ZBTB46: variants seen among roughly 807,000 people sequenced by gnomAD.
The protein encoded by ZBTB46 is zinc finger and BTB domain-containing protein 46.
ZBTB46 carries 8 observed loss-of-function variants against 44.1 expected under a neutral mutation model. The observed-to-expected ratio is 0.18, with a 90% CI of 0.11 to 0.33. The LOEUF (loss-of-function observed/expected upper bound fraction) is 0.33. Ranked by LOEUF, ZBTB46 falls within the 10% of genes least tolerant of loss-of-function variation. The pLI is 1.00. For synonymous variants in ZBTB46, 409 were observed against 382.3 expected, an observed-to-expected ratio of 1.07 and a Z score of -0.81; for missense variants, 651 against 847.7, an observed-to-expected ratio of 0.77 and a Z score of 2.88.
chr20:63,752,990 C>T lies in ZBTB46; in HGVS notation c.1223-129G>A. On this transcript the variant is annotated intron_variant, in intron 3 of 4. Coordinates refer to ENST00000245663, the MANE Select transcript of ZBTB46 (RefSeq NM_001369741.1). The surrounding 1 kb of genome is among the most constrained non-coding windows in gnomAD (Gnocchi z 5.6). Reference sequence around the variant, plus strand: ...GTCTCCCACGGCCACCCACTGGGGGCTGGTCAGCACTGCGACAGGCCAGGC... The same window carrying T: ...GTCTCCCACGGCCACCCACTGGGGGTTGGTCAGCACTGCGACAGGCCAGGC... 2.1e-6 allele frequency: 2 copies of T among 957,432 alleles called. No individual in the cohort carries two copies. Among genetic ancestry groups the T allele is most frequent in the Non-Finnish European group, 3.0e-6 (2 of 666,194 alleles). The allele number at this position is 957,432 out of a possible 1,614,324, so 59.3% of individuals were successfully genotyped here.
intron 4 of ZBTB46, among the ~76,000 whole-genome samples, chr20:63,748,305 G>T (rs543516585): frequency 6.6e-5 from 10 of 152,342 alleles, no homozygotes; most frequent in Non-Finnish European, 1.2e-4. Flanking sequence ...GACGCGAGGT[G>T]CTGGGTTCCT....
At chr20:63,780,290 TAAAAG>T (rs1168505902) in intron 2 of ZBTB46, among the ~76,000 whole-genome samples, 1 of 149,606 alleles carries the variant, frequency 6.7e-6, no homozygotes, top group Non-Finnish European at 1.5e-5. Flanking sequence ...AAAAGACAGA[TAAAAG>T]AAATTCTCAT....
intron 1 of ZBTB46, among the ~76,000 whole-genome samples, chr20:63,822,866 A>C (rs1600726988): frequency 7.1e-6 from 1 of 140,484 alleles, no homozygotes; most frequent in East Asian, 2.4e-4. Flanking sequence ...ATGTTTTAAA[A>C]ATGGAAACAA....
At chr20:63,832,777 CCT>C (rs2092858689), upstream of ZBTB46, among the ~76,000 whole-genome samples, 1 of 152,166 alleles carries the variant, frequency 6.6e-6, no homozygotes, top group Non-Finnish European at 1.5e-5. This position sits in a 1 kb window ranked among gnomAD's most constrained non-coding sequence, Gnocchi z 5.0. Flanking sequence ...GTAGCCCCAG[CCT>C]CACCGACCTT....
At chr20:63,796,396 A>C (rs976343201) in intron 1 of ZBTB46, among the ~76,000 whole-genome samples, 6 of 152,200 alleles carry the variant, frequency 3.9e-5, no homozygotes, top group Non-Finnish European at 5.9e-5. Flanking sequence ...TCTAATTCCA[A>C]ACCACTCAGC....
chr20:63,816,625 A>G (rs751861), intron 1 of ZBTB46: 27,240 of 152,196 alleles, frequency 0.18, 2,959 homozygotes, highest in East Asian at 0.45. Context: ...AATACGTGTG[A>G]AAGATGCATC....
At chr20:63,793,478 T>C (rs1212858723) in intron 1 of ZBTB46, among the ~76,000 whole-genome samples, 1 of 152,190 alleles carries the variant, frequency 6.6e-6, no homozygotes, top group African/African-American at 2.4e-5. Context: ...AAGTGACACC[T>C]GGCTCCGGGC....
intron 4 of ZBTB46, among the ~76,000 whole-genome samples, chr20:63,747,875 C>T (rs1249953899): frequency 2.6e-5 from 4 of 152,216 alleles, no homozygotes; most frequent in Admixed American, 2.0e-4. Flanking sequence ...GTCACACCAC[C>T]GGCCTCTGCC....
intron 3 of ZBTB46, among the ~76,000 whole-genome samples, chr20:63,755,745 C>G (rs776472177): frequency 2.6e-5 from 4 of 152,154 alleles, no homozygotes; most frequent in Non-Finnish European, 4.4e-5. Context: ...GATTTACAGT[C>G]TATATATCTT....
chr20:63,756,069 G>T (rs114343870), intron 3 of ZBTB46, among the ~76,000 whole-genome samples: 1 of 152,204 alleles, frequency 6.6e-6, no homozygotes, highest in African/African-American at 2.4e-5. Flanking sequence ...CATTCGTGCC[G>T]GACTGGAGGC....
chr20:63,746,861 T>C lies in ZBTB46; in HGVS notation c.*69A>G, dbSNP rs2092094469. 7.0e-7 allele frequency: 1 copy of C among 1,432,132 alleles called. No homozygotes were observed. Among genetic ancestry groups the C allele is most frequent in the Non-Finnish European group, 9.1e-7 (1 of 1,095,672 alleles). The allele number at this position is 1,432,132 out of a possible 1,614,324, so 88.7% of individuals were successfully genotyped here. A position where few individuals can be genotyped will look rare whatever the true frequency, so the allele number is the denominator to read the frequency against. ...GGTGAGCGTGGCCCTGGCCCCGCAG[T>C]GGAGACCCACCGGACACACACACGG... is the stretch of plus-strand genomic sequence containing the variant. On this transcript the variant is annotated 3_prime_UTR_variant, in exon 5 of 5. Transcript: ENST00000245663.
intron 2 of ZBTB46, among the ~76,000 whole-genome samples, chr20:63,781,444 A>G (rs557496088): frequency 6.6e-6 from 1 of 152,322 alleles, no homozygotes; most frequent in Non-Finnish European, 1.5e-5. Flanking sequence ...CAGACACTTT[A>G]CCAAAAAAGA....
intron 3 of ZBTB46, among the ~76,000 whole-genome samples, chr20:63,754,144 G>A (rs1020829368): frequency 4.6e-5 from 7 of 152,212 alleles, no homozygotes; most frequent in African/African-American, 1.7e-4. Context: ...CGCCTGGCAC[G>A]GCAGCACCTC....
At chr20:63,820,117 G>A (rs1027693574) in intron 1 of ZBTB46, among the ~76,000 whole-genome samples, 7 of 150,620 alleles carry the variant, frequency 4.6e-5, no homozygotes, top group South Asian at 2.1e-4. Flanking sequence ...TGTTTGAGAC[G>A]AAGTCTCGCT....
intron 3 of ZBTB46, among the ~76,000 whole-genome samples, chr20:63,768,516 A>G (rs1017109860): frequency 5.3e-5 from 8 of 152,154 alleles, no homozygotes; most frequent in Non-Finnish European, 1.0e-4. Context: ...CTGAGGCAGG[A>G]GAATCTCTTG....
At chr20:63,774,969 C>T (rs1242492625) in intron 3 of ZBTB46, among the ~76,000 whole-genome samples, 1 of 152,180 alleles carries the variant, frequency 6.6e-6, no homozygotes, top group Non-Finnish European at 1.5e-5. Flanking sequence ...TCCCAAAGTG[C>T]TGGGATTGCA....
chr20:63,747,477 GT>G (rs2092111827), intron 4 of ZBTB46, among the ~76,000 whole-genome samples, 176 bp from the exon 5 acceptor site: 1 of 70,130 alleles, frequency 1.4e-5, no homozygotes, highest in Non-Finnish European at 2.9e-5. Context: ...GGGGCAGGGG[GT>G]GAGCAGGGCC....
chr20:63,786,712 A>G (rs540726027), intron 2 of ZBTB46, among the ~76,000 whole-genome samples: 60 of 152,164 alleles, frequency 3.9e-4, no homozygotes, highest in Admixed American at 1.8e-3. Context: ...GGGTTTCACC[A>G]TGTTGGCCAC....
intron 2 of ZBTB46, among the ~76,000 whole-genome samples, chr20:63,784,951 T>G (rs573690153): frequency 6.6e-6 from 1 of 152,234 alleles, no homozygotes; most frequent in African/African-American, 2.4e-5. Flanking sequence ...AGAGACTTTG[T>G]GGCCGGGCGT....
Sources: allele counts gnomAD v4.1 joint callset (sites outside exome capture counted in the v4.1 genomes callset), GRCh38; gene constraint gnomAD v4.1.1; non-coding constraint Gnocchi (gnomAD v3.1); transcripts MANE v1.5; gene names NCBI Gene and HGNC (gene_info 2026-07-23, HGNC 2026-07-21).